Variants in SEMA3A observed in about 807,000 individuals in gnomAD.
The protein encoded by SEMA3A is semaphorin 3A.
In SEMA3A, 29 loss-of-function variants were observed where a neutral mutation model predicts 97.9. The observed-to-expected ratio is 0.30, with a 90% CI of 0.22 to 0.40. SEMA3A has a LOEUF of 0.40. Among genes scored for constraint, SEMA3A ranks in the 10% least tolerant of loss-of-function variants. The probability of loss-of-function intolerance (pLI) is 1.00; values close to 1 mark genes in which losing one functional copy is unlikely to be tolerated. For missense variants in SEMA3A, 763 were observed against 951.3 expected (o/e 0.80, Z 2.60); for synonymous variants, 321 against 323.7 (o/e 0.99, Z 0.09).
chr7:84,240,523 G>A (rs1222545582), intron 3 of SEMA3A, among the ~76,000 whole-genome samples: 2 of 152,176 alleles, frequency 1.3e-5, no homozygotes, highest in African/African-American at 2.4e-5. Flanking sequence ...AAAGGGCCAC[G>A]AGAGAGGGAA....
chr7:84,341,717 G>T (rs1802175989), intron 2 of SEMA3A, among the ~76,000 whole-genome samples: 1 of 152,012 alleles, frequency 6.6e-6, no homozygotes, highest in Admixed American at 6.6e-5. Context: ...CACATTCACT[G>T]TAGTTGTCCT....
chr7:84,327,828 A>T (rs1801806463), intron 2 of SEMA3A, among the ~76,000 whole-genome samples: 2 of 152,010 alleles, frequency 1.3e-5, no homozygotes, highest in African/African-American at 4.8e-5. Context: ...GCAGCTATGG[A>T]ACATGGTCTC....
At chr7:84,016,189 T>C (rs1299976704) in intron 6 of SEMA3A, among the ~76,000 whole-genome samples, 3 of 151,330 alleles carry the variant, frequency 2.0e-5, no homozygotes, top group Admixed American at 1.3e-4. Context: ...TACTATCACA[T>C]TGGTAAAGTT....
rs902567339 is a variant in SEMA3A at position 83,961,258 on chromosome 7, A to G, written c.*113T>C. Reference sequence around the variant, plus strand: ...GTGGAACTCAGCTGAATTTCCCACCATTGTAAACATCCACATAATGCCATG... The same window carrying G: ...GTGGAACTCAGCTGAATTTCCCACCGTTGTAAACATCCACATAATGCCATG... On this transcript the variant is annotated 3_prime_UTR_variant, in exon 17 of 17. Coordinates refer to ENST00000265362, the MANE Select transcript of SEMA3A (RefSeq NM_006080.3). The G allele has an allele frequency of 4.8e-6, 4 of 839,180 alleles. No homozygotes were observed. In the Admixed American group the frequency reaches 8.8e-5, roughly 18 times the overall value. 52.0% of individuals were successfully genotyped at this position (839,180 alleles called of 1,614,324 possible).
intron 3 of SEMA3A, among the ~76,000 whole-genome samples, chr7:84,121,575 G>A (rs1266345769): frequency 7.1e-6 from 1 of 140,914 alleles, no homozygotes; most frequent in African/African-American, 2.7e-5. Context: ...ATTCCACGGT[G>A]TATATGTGCC....
At chr7:84,051,624 G>T (rs1225763808) in intron 5 of SEMA3A, among the ~76,000 whole-genome samples, 1 of 152,132 alleles carries the variant, frequency 6.6e-6, no homozygotes, top group Non-Finnish European at 1.5e-5. Flanking sequence ...AGACAATGGG[G>T]TTTTCTAGAT....
At chr7:84,403,195 C>A (rs760811799) in intron 1 of SEMA3A, among the ~76,000 whole-genome samples, 1 of 152,152 alleles carries the variant, frequency 6.6e-6, no homozygotes, top group Non-Finnish European at 1.5e-5. Flanking sequence ...GTCACTCCCA[C>A]CCTAATACTG....
chr7:84,138,872 T>C (rs554884746), intron 1 of SEMA3A, among the ~76,000 whole-genome samples: 1 of 152,224 alleles, frequency 6.6e-6, no homozygotes, highest in South Asian at 2.1e-4. Flanking sequence ...AGAAATTGGG[T>C]GAAATTTTAT....
chr7:84,122,052 G>A (rs962829532), intron 3 of SEMA3A, among the ~76,000 whole-genome samples: 7 of 151,316 alleles, frequency 4.6e-5, no homozygotes, highest in Non-Finnish European at 1.0e-4. Context: ...TGAGATGGCT[G>A]GGTCAAATGG....
intron 6 of SEMA3A, among the ~76,000 whole-genome samples, chr7:84,028,915 G>A (rs1426204266): frequency 6.6e-6 from 1 of 152,188 alleles, no homozygotes; most frequent in Non-Finnish European, 1.5e-5. Flanking sequence ...CACAGTGCCT[G>A]ACCATAAGGT....
At chr7:84,179,933 G>C (rs919340571) in intron 1 of SEMA3A, among the ~76,000 whole-genome samples, 3 of 137,304 alleles carry the variant, frequency 2.2e-5, no homozygotes, top group Admixed American at 1.5e-4. Context: ...TATCTAGTAT[G>C]TTTAGTCAAT....
At chr7:84,246,345 A>G (rs1006164353) in intron 3 of SEMA3A, among the ~76,000 whole-genome samples, 30 of 152,236 alleles carry the variant, frequency 2.0e-4, no homozygotes, top group African/African-American at 6.8e-4. Context: ...AACCAATGGA[A>G]AAGTGGTTTA....
chr7:84,042,382 A>T (rs969958274), intron 6 of SEMA3A, among the ~76,000 whole-genome samples: 28 of 152,006 alleles, frequency 1.8e-4, no homozygotes, highest in Non-Finnish European at 3.5e-4. Flanking sequence ...CACTCCAGGC[A>T]TTGTAATTAG....
chr7:84,042,190 T>C (rs1461366386), intron 6 of SEMA3A, among the ~76,000 whole-genome samples: 1 of 152,086 alleles, frequency 6.6e-6, no homozygotes, highest in Non-Finnish European at 1.5e-5. Flanking sequence ...GCTACGCTGA[T>C]TCCAATAAGG....
intron 1 of SEMA3A, among the ~76,000 whole-genome samples, chr7:84,445,864 C>T (rs1004771346): frequency 2.0e-5 from 3 of 149,470 alleles, no homozygotes; most frequent in Middle Eastern, 3.5e-3. Flanking sequence ...AAGAGGAAAA[C>T]AAAATAGAAA....
intron 1 of SEMA3A, among the ~76,000 whole-genome samples, chr7:84,448,808 T>C (rs1436426708): frequency 6.6e-6 from 1 of 151,342 alleles, no homozygotes; most frequent in Admixed American, 6.6e-5. Flanking sequence ...AAATCTAACA[T>C]GTGCATGAAA....
At chr7:84,485,826 G>T (rs1223542490) in intron 1 of SEMA3A, among the ~76,000 whole-genome samples, 1 of 152,140 alleles carries the variant, frequency 6.6e-6, no homozygotes, top group Non-Finnish European at 1.5e-5. Context: ...AAGATTTGGG[G>T]CTCCCATTGT....
At chr7:84,289,055 C>A (rs1315844215) in intron 3 of SEMA3A, among the ~76,000 whole-genome samples, 1 of 152,078 alleles carries the variant, frequency 6.6e-6, no homozygotes, top group Non-Finnish European at 1.5e-5. Flanking sequence ...ATATAATCTT[C>A]TCATTTGCAG....
chr7:83,996,145 A>G (rs1404667180), intron 12 of SEMA3A, among the ~76,000 whole-genome samples: 3 of 152,148 alleles, frequency 2.0e-5, no homozygotes, highest in African/African-American at 4.8e-5. Context: ...GAAAATCCCA[A>G]ACTGACTAGT....
Sources: gnomAD v4.1 joint callset for allele counts (sites outside exome capture counted in the v4.1 genomes callset) on GRCh38, gnomAD v4.1.1 for gene constraint, MANE v1.5 for transcripts, NCBI Gene and HGNC (gene_info 2026-07-23, HGNC 2026-07-21) for gene names.